Variants in NRXN3 observed in about 807,000 individuals in gnomAD.
The protein encoded by NRXN3 is neurexin III.
Under a neutral mutation model 137.6 loss-of-function variants are expected in NRXN3, and 32 were observed. The observed-to-expected ratio is 0.23, with a 90% confidence interval of 0.18 to 0.31. The LOEUF (loss-of-function observed/expected upper bound fraction) is 0.31, where lower values mean the gene tolerates loss of function less well. Among genes scored for constraint, NRXN3 ranks in the 10% least tolerant of loss-of-function variants. The pLI, the probability that NRXN3 is intolerant of heterozygous loss-of-function variation, is 1.00. For missense variants in NRXN3, 1,574 were observed against 2,062.5 expected (o/e 0.76, Z 4.59); for synonymous variants, 798 against 784.5 (o/e 1.02, Z -0.29).
chr14:79,387,444 T>C (rs371829003), intron 15 of NRXN3, among the ~76,000 whole-genome samples: 107 of 151,750 alleles, frequency 7.1e-4, no homozygotes, highest in Admixed American at 1.2e-3. Context: ...ATTAAAAAGT[T>C]AGGAAACAAC....
intron 6 of NRXN3, among the ~76,000 whole-genome samples, chr14:78,663,311 G>A (rs1383488948): frequency 6.6e-6 from 1 of 152,182 alleles, no homozygotes; most frequent in Non-Finnish European, 1.5e-5. Context: ...TCATAGGAAA[G>A]GTCATTTAAT....
intron 6 of NRXN3, among the ~76,000 whole-genome samples, chr14:78,686,625 C>T (rs1433660046): frequency 6.6e-6 from 1 of 152,144 alleles, no homozygotes; most frequent in Non-Finnish European, 1.5e-5. Flanking sequence ...CATGTGTGTG[C>T]ATGCTTCCGT....
At position 79,846,942 on chromosome 14, in the gene NRXN3, A is replaced by G. The variant is rs747867126; in HGVS notation, c.4094-14400A>G. 1.1e-3 allele frequency among the ~76,000 whole-genome samples: 168 copies of G among 152,192 alleles called. 4 individuals are homozygous for G. Among genetic ancestry groups the G allele is most frequent in the Non-Finnish European group, 2.9e-4 (20 of 68,038 alleles). The stretch of plus-strand genomic sequence containing the variant: ...CTATAGCTTTAAAGTTGTGGTGACT[A>G]CAATGTCTAGTCACTTAACCTCACA... On this transcript the variant is annotated intron_variant, in intron 20 of 20. Transcript: ENST00000335750.
At chr14:79,131,920 G>T (rs573635975) in intron 15 of NRXN3, among the ~76,000 whole-genome samples, 4 of 152,064 alleles carry the variant, frequency 2.6e-5, no homozygotes, top group Non-Finnish European at 4.4e-5. Flanking sequence ...CACAGTATTC[G>T]GGTGGGAGTG....
At chr14:79,751,363 C>T (rs939172511) in intron 19 of NRXN3, among the ~76,000 whole-genome samples, 27 of 152,026 alleles carry the variant, frequency 1.8e-4, no homozygotes, top group Non-Finnish European at 3.2e-4. Flanking sequence ...CATGATTTGG[C>T]TCTCTGTTTG....
chr14:78,281,988 G>A, intron 3 of NRXN3: 1 of 386,702 alleles, frequency 2.6e-6, no homozygotes, highest in East Asian at 7.4e-5. Context: ...TGAACAAGAA[G>A]TATGGCCACA....
intron 15 of NRXN3, among the ~76,000 whole-genome samples, chr14:79,463,215 A>C (rs2096375841): frequency 6.6e-6 from 1 of 152,198 alleles, no homozygotes; most frequent in African/African-American, 2.4e-5. Context: ...TGGATGAGAA[A>C]AAATTATATT....
intron 10 of NRXN3, among the ~76,000 whole-genome samples, chr14:78,867,005 G>T (rs939667489): frequency 2.0e-5 from 3 of 151,938 alleles, no homozygotes; most frequent in Admixed American, 2.0e-4. Flanking sequence ...CACCATGTTG[G>T]CCAGGATGGT....
At chr14:79,246,284 T>C (rs1002169479) in intron 15 of NRXN3, among the ~76,000 whole-genome samples, 13 of 152,316 alleles carry the variant, frequency 8.5e-5, no homozygotes, top group African/African-American at 3.1e-4. Context: ...AAGCTCAGAT[T>C]TCTAATCTAG....
At chr14:78,329,668 AGG>A (rs970259661) in intron 4 of NRXN3, among the ~76,000 whole-genome samples, 1 of 152,276 alleles carries the variant, frequency 6.6e-6, no homozygotes, top group African/African-American at 2.4e-5. Flanking sequence ...GCCAAAAAGA[AGG>A]GGGAAAAATC....
intron 10 of NRXN3, among the ~76,000 whole-genome samples, chr14:78,844,673 C>G (rs538442122): frequency 6.6e-5 from 10 of 152,144 alleles, no homozygotes; most frequent in South Asian, 6.2e-4. Flanking sequence ...ATAGATAGAA[C>G]AGATTTTAAA....
rs367689918 is a variant in NRXN3 at position 79,764,819 on chromosome 14, T to C, written c.4015-40293T>C. Among the ~76,000 whole-genome samples, 10 of 152,310 alleles carry C rather than the reference T, an allele frequency of 6.6e-5. No individual in the cohort carries two copies. The East Asian group carries it at 9.6e-4, about 15-fold the overall frequency. ...AAAAACATGCAAAACCATTCACCTA[T>C]ACAGACCTGTTCTCAAGGCAGTGTT... On this transcript the variant is annotated intron_variant, in intron 19 of 20. Coordinates refer to ENST00000335750, the MANE Select transcript of NRXN3 (RefSeq NM_001330195.2).
chr14:78,454,956 G>T (rs2094650278), intron 4 of NRXN3, among the ~76,000 whole-genome samples: 2 of 152,160 alleles, frequency 1.3e-5, no homozygotes, highest in Non-Finnish European at 2.9e-5. Flanking sequence ...TGTTTGTGTT[G>T]TCCAGGGGCA....
chr14:78,800,361 G>A (rs1567346944), intron 8 of NRXN3, among the ~76,000 whole-genome samples: 1 of 152,174 alleles, frequency 6.6e-6, no homozygotes, highest in African/African-American at 2.4e-5. Flanking sequence ...GTCCTAGAAA[G>A]CACCAGGCGA....
chr14:79,500,369 G>A (rs915753925), intron 16 of NRXN3, among the ~76,000 whole-genome samples: 1 of 152,062 alleles, frequency 6.6e-6, no homozygotes, highest in East Asian at 1.9e-4. Flanking sequence ...CATCTTGAGC[G>A]AGGGATACTG....
chr14:79,690,905 A>G (rs983856561), intron 17 of NRXN3, among the ~76,000 whole-genome samples: 2 of 152,056 alleles, frequency 1.3e-5, no homozygotes, highest in Non-Finnish European at 2.9e-5. Flanking sequence ...AATTCTTTGT[A>G]AATTGTTTCC....
At position 79,594,937 on chromosome 14, in the gene NRXN3, A is replaced by T. The variant is rs1167025816; in HGVS notation, c.3445-68841A>T. On this transcript the variant is annotated intron_variant, in intron 16 of 20. Coordinates refer to ENST00000335750, the MANE Select transcript of NRXN3 (RefSeq NM_001330195.2). ...TAATTTTACTTCTTAGTTTTTTCAC[A>T]TGTTAGGCAATTCCAAGATTAATCG... Among the ~76,000 whole-genome samples, 4 of 151,736 alleles carry T rather than the reference A, an allele frequency of 2.6e-5. No individual in the cohort carries two copies. The South Asian group carries it at 8.3e-4, about 31-fold the overall frequency.
chr14:79,164,234 T>C (rs919674850), intron 15 of NRXN3, among the ~76,000 whole-genome samples: 67 of 152,152 alleles, frequency 4.4e-4, no homozygotes, highest in African/African-American at 1.4e-3. Flanking sequence ...TTCTTTAGCA[T>C]ACATAAACAT....
At chr14:79,358,660 A>AGAAAGAAAGAAAGAAAGAAAGAAG (rs1566903357) in intron 15 of NRXN3, among the ~76,000 whole-genome samples, 2 of 151,020 alleles carry the variant, frequency 1.3e-5, no homozygotes, top group East Asian at 4.1e-4. Context: ...AAAGAAAGAA[A>AGAAAGAAAGAAAGAAAGAAAGAAG]GAAAGAAAGT....
Sources: allele counts gnomAD v4.1 joint callset (sites outside exome capture counted in the v4.1 genomes callset), GRCh38; gene constraint gnomAD v4.1.1; transcripts MANE v1.5; gene names NCBI Gene and HGNC (gene_info 2026-07-23, HGNC 2026-07-21).